The following UMODL1 variants were observed in gnomAD, a reference collection of about 807,000 sequenced individuals.
UMODL1 encodes uromodulin-like 1.
A neutral mutation model predicts 136.3 loss-of-function variants in UMODL1; 128 were observed. The observed-to-expected ratio is 0.94, with a 90% CI of 0.81 to 1.09. The LOEUF (loss-of-function observed/expected upper bound fraction) is 1.09, where lower values mean the gene tolerates loss of function less well. Among genes scored for constraint, UMODL1 ranks in the 50% least tolerant of loss-of-function variants. The pLI, the probability that UMODL1 is intolerant of heterozygous loss-of-function variation, is 0.00. For missense variants in UMODL1, 1,766 were observed against 1,725.6 expected, an observed-to-expected ratio of 1.02 and a Z score of -0.41; for synonymous variants, 721 against 720.0, an observed-to-expected ratio of 1.00 and a Z score of -0.02.
In UMODL1 at chr21:42,126,407, C is replaced by T; in HGVS notation, c.3210C>T (p.Ile1070=). Residue 1070 remains isoleucine, a synonymous_variant, in exon 18 of 23, where the codon ATC becomes ATT. Transcript: ENST00000408910. ...LRNDLSQEGI[I]HHLKILSPIY... ...ACGACCTGTCCCAGGAGGGCATCAT[C>T]CACCACCTGAAGATCCTGAGCCCCA... is the stretch of plus-strand genomic sequence containing the variant. 6.2e-7 allele frequency: 1 copy of T among 1,614,218 alleles called. No individual in the cohort carries two copies. The highest frequency in any genetic ancestry group is 8.5e-7 in the Non-Finnish European group (1 of 1,180,030).
intron 2 of UMODL1, among the ~76,000 whole-genome samples, chr21:42,080,524 G>A (rs577483412): frequency 1.3e-5 from 2 of 152,324 alleles, no homozygotes; most frequent in South Asian, 4.1e-4. Flanking sequence ...CGGAAGCATG[G>A]ACACACACGT....
Position 42,085,258 on chromosome 21 carries a change from G to A in UMODL1, c.482-33G>A. The A allele has an allele frequency of 6.2e-7, 1 of 1,609,206 alleles. No individual in the cohort carries two copies. The highest frequency in any genetic ancestry group is 1.7e-5 in the Admixed American group (1 of 59,752). ...GCTTTTGTGACTTCAACCTGTCCTGGGTCCATAATCATCAGTGTTTTCCCT... is the reference window on the plus strand; with the variant it reads ...GCTTTTGTGACTTCAACCTGTCCTGAGTCCATAATCATCAGTGTTTTCCCT... On this transcript the variant is annotated intron_variant, in intron 3 of 22. Coordinates refer to ENST00000408910, the MANE Select transcript of UMODL1 (RefSeq NM_001004416.3). The surrounding 1 kb of genome is among the most constrained non-coding windows in gnomAD (Gnocchi z 4.5).
chr21:42,139,628 G>A, intron 22 of UMODL1, among the ~76,000 whole-genome samples: 1 of 152,200 alleles, frequency 6.6e-6, no homozygotes. Context: ...TTAATTTCAA[G>A]GAGGGGGACA....
intron 5 of UMODL1, among the ~76,000 whole-genome samples, chr21:42,090,080 C>T (rs896018622): frequency 1.1e-4 from 16 of 152,230 alleles, no homozygotes; most frequent in Non-Finnish European, 1.9e-4. Context: ...CCTGCCTGAA[C>T]GTGGGCTGCT....
rs891429302 is a variant in UMODL1, at chr21:42,123,218, C to T, written c.3147+68C>T. The T allele has an allele frequency of 2.6e-5, 39 of 1,516,934 alleles. No individual in the cohort carries two copies. The highest frequency in any genetic ancestry group is 3.3e-5 in the Non-Finnish European group (37 of 1,125,316). The allele number at this position is 1,516,934 out of a possible 1,614,324, so 94.0% of individuals were successfully genotyped here. On this transcript the variant is annotated intron_variant, in intron 17 of 22. Transcript: ENST00000408910. The surrounding 1 kb of genome is among the most constrained non-coding windows in gnomAD (Gnocchi z 4.4). ...AAGGGGCTCTAGGTTACATGGGCCT[C>T]GATGTGGGAGGGCCAGGCAAGACTC... is the stretch of plus-strand genomic sequence containing the variant.
chr21:42,129,387 G>C (rs575071028), intron 20 of UMODL1, among the ~76,000 whole-genome samples: 1 of 152,254 alleles, frequency 6.6e-6, no homozygotes, highest in East Asian at 1.9e-4. Context: ...GACTCTGAGG[G>C]CTGTGACCAA....
At chr21:42,069,035 C>T (rs2066206505), upstream of UMODL1, among the ~76,000 whole-genome samples, 1 of 152,190 alleles carries the variant, frequency 6.6e-6, no homozygotes, top group Non-Finnish European at 1.5e-5. Context: ...CTGTGGAAGA[C>T]ACACCCCGGC....
Position 42,099,134 on chromosome 21 carries a change from C to A in UMODL1, c.1140C>A (p.Tyr380Ter), listed in dbSNP as rs1473402440. 1 of 1,613,758 alleles carries A rather than the reference C, an allele frequency of 6.2e-7. No homozygotes were observed. ...TGCTGTACAGGGTGAAGACCAGCTA[C>A]CAGGGGTGCGGGGCCGACGTCTCCA... ...AGVLYRVKTS[Y>*]QGCGADVSTT... The change falls in exon 7 of 23, where the codon TAC becomes TAA. Residue 380 changes from tyrosine to a stop codon, truncating the protein, a stop_gained. Coordinates refer to ENST00000408910, the MANE Select transcript of UMODL1 (RefSeq NM_001004416.3). LOFTEE classifies it high-confidence loss of function. This position sits in a 1 kb window ranked among gnomAD's most constrained non-coding sequence, Gnocchi z 4.1.
intron 14 of UMODL1, among the ~76,000 whole-genome samples, chr21:42,117,028 A>T (rs1236521163): frequency 6.6e-6 from 1 of 152,106 alleles, no homozygotes; most frequent in African/African-American, 2.4e-5. Flanking sequence ...GTGAGCTGAG[A>T]TCTTGCCACT....
Position 42,108,409 on chromosome 21 carries a change from G to C in UMODL1, c.1520-1153G>C, listed in dbSNP as rs192374598. 1.6e-3 allele frequency: 792 copies of C among 492,804 alleles called. 5 individuals carry two copies. The highest frequency in any genetic ancestry group is 3.2e-3 in the Middle Eastern group (10 of 3,102). 30.5% of individuals were successfully genotyped at this position (492,804 alleles called of 1,614,324 possible). A position where few individuals can be genotyped will look rare whatever the true frequency, so the allele number is the denominator to read the frequency against. On this transcript the variant is annotated intron_variant, in intron 9 of 22. Coordinates refer to ENST00000408910, the MANE Select transcript of UMODL1 (RefSeq NM_001004416.3). ...CTAGGGTGGTGGCATAGCTGTTGTG[G>C]CAGCTGACGAGCTTGCTGTTCTCCA...
Position 42,113,667 on chromosome 21 carries a change from C to T in UMODL1, c.2199C>T (p.Phe733=). Residue 733 remains phenylalanine, a synonymous_variant, in exon 13 of 23, where the codon TTC becomes TTT. Transcript: ENST00000408910. ...CGGATCTTGCTATGGACTCCACCTT[C>T]CAGCTCACTCTGACTTCCATGTGGA... ...WEADLAMDST[F]QLTLTSMWSP... The T allele has an allele frequency of 6.2e-7, 1 of 1,614,112 alleles. No homozygotes were observed. Among genetic ancestry groups the T allele is most frequent in the Non-Finnish European group, 8.5e-7 (1 of 1,180,034 alleles).
Position 42,085,551 on chromosome 21 carries a change from C to T in UMODL1, c.603+139C>T, listed in dbSNP as rs1009071404. 76 of 1,323,308 alleles carry T rather than the reference C, an allele frequency of 5.7e-5. No homozygotes were observed. Among genetic ancestry groups the T allele is most frequent in the Non-Finnish European group, 7.0e-5 (67 of 957,794 alleles). The allele number at this position is 1,323,308 out of a possible 1,614,324, so 82.0% of individuals were successfully genotyped here. ...ATGGCCCCAAATGACTGACTCTGAACGAAATTCTAGTTCTTAAAAAATCAG... is the reference window on the plus strand; with the variant it reads ...ATGGCCCCAAATGACTGACTCTGAATGAAATTCTAGTTCTTAAAAAATCAG... On this transcript the variant is annotated intron_variant, in intron 4 of 22. Coordinates refer to ENST00000408910, the MANE Select transcript of UMODL1 (RefSeq NM_001004416.3). The surrounding 1 kb of genome is among the most constrained non-coding windows in gnomAD (Gnocchi z 4.5).
intron 6 of UMODL1, among the ~76,000 whole-genome samples, chr21:42,098,435 C>T (rs984376029): frequency 6.6e-6 from 1 of 150,516 alleles, no homozygotes; most frequent in Admixed American, 6.6e-5. Flanking sequence ...ATTGATACCT[C>T]TGTTTTGAAT....
chr21:42,129,034 C>T (rs1354095552), intron 20 of UMODL1, among the ~76,000 whole-genome samples: 3 of 151,698 alleles, frequency 2.0e-5, no homozygotes, highest in Non-Finnish European at 2.9e-5. Context: ...TGGCCTCGGG[C>T]GTTCCTTGGC....
intron 1 of UMODL1, among the ~76,000 whole-genome samples, chr21:42,075,483 A>G (rs1208218169): frequency 1.3e-5 from 2 of 152,220 alleles, no homozygotes; most frequent in South Asian, 2.1e-4. Context: ...CGTCATTGTC[A>G]TGTCCTGGCC....
At chr21:42,137,015 CAA>C (rs1226412672) in intron 21 of UMODL1, among the ~76,000 whole-genome samples, 1 of 152,230 alleles carries the variant, frequency 6.6e-6, no homozygotes, top group Non-Finnish European at 1.5e-5. Context: ...CTCAGCCCCG[CAA>C]AGTGCTGAGA....
intron 20 of UMODL1, among the ~76,000 whole-genome samples, chr21:42,128,979 G>T (rs1334568598): frequency 1.3e-5 from 2 of 152,106 alleles, no homozygotes; most frequent in Non-Finnish European, 2.9e-5. Context: ...CCCTCTGAGA[G>T]TTCTAAAGGA....
In UMODL1 at chr21:42,122,798, C is replaced by A. The variant is rs376306898; in HGVS notation, c.2828-33C>A. On this transcript the variant is annotated intron_variant, in intron 16 of 22. Coordinates refer to ENST00000408910, the MANE Select transcript of UMODL1 (RefSeq NM_001004416.3). The surrounding 1 kb of genome is among the most constrained non-coding windows in gnomAD (Gnocchi z 4.3). ...TCCATGCCAACCCCAAACACAGAGC[C>A]ACTCTTTGCCTTTTCCTCCTTGTGC... is the stretch of plus-strand genomic sequence containing the variant. 1.9e-6 allele frequency: 3 copies of A among 1,551,802 alleles called. No individual in the cohort carries two copies. The highest frequency in any genetic ancestry group is 3.7e-5 in the Admixed American group (2 of 53,560).
At chr21:42,101,097 C>A (rs1298779993) in intron 7 of UMODL1, among the ~76,000 whole-genome samples, 4 of 151,534 alleles carry the variant, frequency 2.6e-5, no homozygotes, top group Non-Finnish European at 5.9e-5. Context: ...ATAAAAATGC[C>A]CTTTTTTTGT....
Sources: gnomAD v4.1 joint callset for allele counts (sites outside exome capture counted in the v4.1 genomes callset) on GRCh38, gnomAD v4.1.1 for gene constraint, Gnocchi (gnomAD v3.1) non-coding constraint, MANE v1.5 for transcripts, NCBI Gene and HGNC (gene_info 2026-07-23, HGNC 2026-07-21) for gene names.